Variants in FAXC observed in about 807,000 individuals in gnomAD.
FAXC encodes failed axon connections homolog.
Under a neutral mutation model 41.9 loss-of-function variants are expected in FAXC, and 10 were observed. The observed-to-expected ratio is 0.24, with a 90% CI of 0.15 to 0.41. The LOEUF (loss-of-function observed/expected upper bound fraction) is 0.41, where lower values mean the gene tolerates loss of function less well. FAXC is among the 10% of genes least tolerant of loss of function. The pLI is 1.00. For missense variants in FAXC, 399 were observed against 510.9 expected (o/e 0.78, Z 2.11); for synonymous variants, 183 against 183.8 (o/e 1.00, Z 0.03).
At chr6:99,297,560 C>A (rs1174235559) in intron 4 of FAXC, among the ~76,000 whole-genome samples, 2 of 152,024 alleles carry the variant, frequency 1.3e-5, no homozygotes, top group Non-Finnish European at 2.9e-5. Context: ...GGAGGGGGTG[C>A]CATACGCAGC....
chr6:99,290,000 C>CTA (rs1562152399), intron 5 of FAXC, among the ~76,000 whole-genome samples: 1 of 151,834 alleles, frequency 6.6e-6, no homozygotes, highest in Non-Finnish European at 1.5e-5. Flanking sequence ...AGTATAGTTT[C>CTA]TACTGAACAA....
chr6:99,307,054 A>G (rs1394584790), intron 4 of FAXC, among the ~76,000 whole-genome samples: 1 of 152,228 alleles, frequency 6.6e-6, no homozygotes, highest in Non-Finnish European at 1.5e-5. Flanking sequence ...CATTAGCATT[A>G]CAGAAGAGAA....
At chr6:99,327,429 A>C (rs1772855065) in intron 3 of FAXC, among the ~76,000 whole-genome samples, 1 of 152,174 alleles carries the variant, frequency 6.6e-6, no homozygotes, top group Admixed American at 6.5e-5. Flanking sequence ...CTCTTGTTCA[A>C]GTCAACAGTG....
At chr6:99,325,839 T>A (rs1434216158) in intron 3 of FAXC, among the ~76,000 whole-genome samples, 2 of 152,226 alleles carry the variant, frequency 1.3e-5, no homozygotes, top group African/African-American at 4.8e-5. Context: ...CCGAAAAGCA[T>A]CTAAAGTGTA....
intron 4 of FAXC, among the ~76,000 whole-genome samples, chr6:99,322,959 G>C (rs1047333169): frequency 2.0e-5 from 3 of 152,226 alleles, no homozygotes; most frequent in African/African-American, 7.2e-5. Flanking sequence ...AATAAGAGGG[G>C]TGAGAAAATG....
At chr6:99,314,493 G>A (rs1290751047) in intron 4 of FAXC, among the ~76,000 whole-genome samples, 1 of 152,290 alleles carries the variant, frequency 6.6e-6, no homozygotes. Context: ...AGGATCACTT[G>A]AGCCCAGGAG....
intron 4 of FAXC, among the ~76,000 whole-genome samples, chr6:99,305,058 G>A (rs909021737): frequency 3.9e-5 from 6 of 152,334 alleles, no homozygotes; most frequent in Non-Finnish European, 5.9e-5. Flanking sequence ...GGGAATAAGC[G>A]TAATTTGGTG....
At chr6:99,313,902 A>C (rs1049601424) in intron 4 of FAXC, among the ~76,000 whole-genome samples, 1 of 152,076 alleles carries the variant, frequency 6.6e-6, no homozygotes, top group Non-Finnish European at 1.5e-5. Context: ...CAGCATACCC[A>C]CACCTGAAAT....
At chr6:99,320,677 A>G (rs1399808607) in intron 4 of FAXC, among the ~76,000 whole-genome samples, 1 of 152,222 alleles carries the variant, frequency 6.6e-6, no homozygotes, top group African/African-American at 2.4e-5. Context: ...CCTTTATAAG[A>G]TGGCCCCAAA....
intron 2 of FAXC, among the ~76,000 whole-genome samples, chr6:99,338,111 C>A (rs755828301): frequency 3.3e-5 from 5 of 152,198 alleles, no homozygotes; most frequent in African/African-American, 4.8e-5. Context: ...ACACAGCATC[C>A]CTTTCTAAAC....
intron 4 of FAXC, among the ~76,000 whole-genome samples, chr6:99,314,417 T>C (rs13216244): frequency 0.12 from 18,338 of 152,094 alleles, 1,410 homozygotes; most frequent in Non-Finnish European, 0.17. Flanking sequence ...CTACAAAAAA[T>C]ACAAAAATTA....
In FAXC at chr6:99,275,867, G is replaced by A. The variant is rs1441183998; in HGVS notation, c.*5297C>T. The A allele has an allele frequency of 6.6e-6, 1 of 152,112 alleles. No homozygotes were observed. The highest frequency in any genetic ancestry group is 1.5e-5 in the Non-Finnish European group (1 of 68,038). The allele number at this position is 152,112 out of a possible 1,614,324, so 9.4% of individuals were successfully genotyped here. A position where few individuals can be genotyped will look rare whatever the true frequency, so the allele number is the denominator to read the frequency against. On this transcript the variant is annotated 3_prime_UTR_variant, in exon 6 of 6. Coordinates refer to ENST00000389677, the MANE Select transcript of FAXC (RefSeq NM_032511.4). ...GTAGCAAGAGTCTTACAGGTAAGAG[G>A]CCCGTCCCTCCTCACCCAACAAGGG...
intron 3 of FAXC, among the ~76,000 whole-genome samples, chr6:99,326,427 G>T (rs1772805846): frequency 6.6e-6 from 1 of 152,154 alleles, no homozygotes; most frequent in African/African-American, 2.4e-5. Context: ...AGTTTGAGTG[G>T]ATGGTAATAC....
intron 4 of FAXC, among the ~76,000 whole-genome samples, chr6:99,303,348 CT>C (rs1771787198): frequency 6.6e-6 from 1 of 152,194 alleles, no homozygotes; most frequent in Non-Finnish European, 1.5e-5. Context: ...ATATACTTAA[CT>C]TTTAGTAAAT....
At chr6:99,327,858 C>T (rs1476241998) in intron 3 of FAXC, among the ~76,000 whole-genome samples, 1 of 152,126 alleles carries the variant, frequency 6.6e-6, no homozygotes, top group Non-Finnish European at 1.5e-5. Flanking sequence ...GTGAATTTGC[C>T]CTTTCTCCAA....
chr6:99,340,175 C>T (rs1179626108), intron 2 of FAXC, among the ~76,000 whole-genome samples: 1 of 152,162 alleles, frequency 6.6e-6, no homozygotes, highest in East Asian at 1.9e-4. Flanking sequence ...TCTCGGCTCA[C>T]CACAACCTCC....
chr6:99,284,967 A>G (rs916203382), intron 5 of FAXC, among the ~76,000 whole-genome samples: 22 of 151,724 alleles, frequency 1.5e-4, no homozygotes, highest in Non-Finnish European at 3.2e-4. Context: ...TAATAGAAAA[A>G]CTGCATTTCT....
At chr6:99,322,370 G>T (rs754847736) in intron 4 of FAXC, among the ~76,000 whole-genome samples, 8 of 152,182 alleles carry the variant, frequency 5.3e-5, no homozygotes, top group Non-Finnish European at 1.2e-4. Flanking sequence ...GCAAGGGACA[G>T]GTTATATCCA....
At position 99,274,872 on chromosome 6, in the gene FAXC, C is replaced by A. The variant is rs1770543499; in HGVS notation, c.*6292G>T. 6.6e-6 allele frequency: 1 copy of A among 152,122 alleles called. No homozygotes were observed. Among genetic ancestry groups the A allele is most frequent in the African/African-American group, 2.4e-5 (1 of 41,418 alleles). 9.4% of individuals were successfully genotyped at this position (152,122 alleles called of 1,614,324 possible). ...ACGAAAGAACATTTCTGATTCTGAA[C>A]AATGGAAGAGGAAAGTCATTGATTA... On this transcript the variant is annotated 3_prime_UTR_variant, in exon 6 of 6. Transcript: ENST00000389677.
Sources: gnomAD v4.1 joint callset for allele counts (sites outside exome capture counted in the v4.1 genomes callset) on GRCh38, gnomAD v4.1.1 for gene constraint, MANE v1.5 for transcripts, NCBI Gene and HGNC (gene_info 2026-07-23, HGNC 2026-07-21) for gene names.